DGKB: variants seen among roughly 807,000 people sequenced by gnomAD.
The protein encoded by DGKB is diacylglycerol kinase beta, also known as 90 kDa diacylglycerol kinase.
In DGKB, 67 loss-of-function variants were observed where a neutral mutation model predicts 114.3. The ratio of observed to expected loss-of-function variants is 0.59; its 90% confidence interval spans 0.48 to 0.72. DGKB has a LOEUF of 0.72. Ranked by LOEUF, DGKB falls within the 30% of genes least tolerant of loss-of-function variation. The pLI, the probability that DGKB is intolerant of heterozygous loss-of-function variation, is 0.00. For missense variants in DGKB, 907 were observed against 975.2 expected (o/e 0.93, Z 0.93); for synonymous variants, 398 against 323.1 (o/e 1.23, Z -2.49).
At chr7:14,898,269 G>T (rs544787220) in intron 1 of DGKB, among the ~76,000 whole-genome samples, 16 of 152,106 alleles carry the variant, frequency 1.1e-4, no homozygotes, top group African/African-American at 3.9e-4. Context: ...GACAAAGAAG[G>T]TGCAACATTG....
chr7:14,432,001 T>C (rs924118936), intron 21 of DGKB, among the ~76,000 whole-genome samples: 1 of 152,190 alleles, frequency 6.6e-6, no homozygotes, highest in African/African-American at 2.4e-5. Flanking sequence ...ATGCCAGGTA[T>C]GTTTCAGGGG....
intron 1 of DGKB, among the ~76,000 whole-genome samples, chr7:14,872,589 T>A (rs1852637834): frequency 6.6e-6 from 1 of 152,132 alleles, no homozygotes; most frequent in Admixed American, 6.6e-5. Flanking sequence ...TGGTGAATGT[T>A]TATAAAGCAC....
rs1162564706 is a variant in DGKB at position 14,471,265 on chromosome 7, T to TATGTGTATACATACATATATGTATGGA, written c.1835+6895_1835+6896insTCCATACATATATGTATGTATACACAT. Among the ~76,000 whole-genome samples the TATGTGTATACATACATATATGTATGGA allele has an allele frequency of 3.9e-4, 56 of 142,134 alleles. 18 individuals carry two copies. The East Asian group carries it at 7.5e-3, about 19-fold the overall frequency. 93.2% of individuals were successfully genotyped at this position (142,134 alleles called of 152,430 possible). A position where few individuals can be genotyped will look rare whatever the true frequency, so the allele number is the denominator to read the frequency against. ...TATACATACATATATGTGTATGGAA[T>TATGTGTATACATACATATATGTATGGA]ATATGTGTATACATACATATATGTA... is the stretch of plus-strand genomic sequence containing the variant. On this transcript the variant is annotated intron_variant, in intron 21 of 25. Coordinates refer to ENST00000402815, the MANE Select transcript of DGKB (RefSeq NM_001350709.2).
At chr7:14,811,918 A>G (rs2128081953) in intron 2 of DGKB, among the ~76,000 whole-genome samples, 1 of 151,810 alleles carries the variant, frequency 6.6e-6, no homozygotes, top group South Asian at 2.1e-4. Flanking sequence ...CCCAACTGAA[A>G]CCTCTTTACT....
chr7:14,353,835 T>G (rs1483954899), intron 21 of DGKB, among the ~76,000 whole-genome samples: 3 of 152,220 alleles, frequency 2.0e-5, no homozygotes, highest in Non-Finnish European at 4.4e-5. Flanking sequence ...GTTTTTATCT[T>G]GTGCCAAGAT....
intron 5 of DGKB, among the ~76,000 whole-genome samples, chr7:14,727,652 T>A (rs996977295): frequency 6.6e-6 from 1 of 152,170 alleles, no homozygotes; most frequent in Non-Finnish European, 1.5e-5. Context: ...AAATATCTAC[T>A]ATGTGTCAGG....
chr7:14,723,415 G>A (rs190069421), intron 5 of DGKB, among the ~76,000 whole-genome samples: 3 of 142,680 alleles, frequency 2.1e-5, no homozygotes, highest in Non-Finnish European at 4.6e-5. Context: ...TTGTTTTTTG[G>A]CCTCAAGTGA....
intron 2 of DGKB, chr7:14,815,144 C>T (rs1305916352): frequency 1.3e-5 from 2 of 152,170 alleles, no homozygotes; most frequent in Non-Finnish European, 2.9e-5. Context: ...ATTGAAGTCT[C>T]CTTGTTTCCA....
chr7:14,634,461 T>G lies in DGKB; in HGVS notation c.1135-4193A>C, dbSNP rs945869150. ...ATGAAGAATGAAAAATATTTAGAAA[T>G]CACTATATCTACAAAGTGATACACA... On this transcript the variant is annotated intron_variant, in intron 13 of 25. Coordinates refer to ENST00000402815, the MANE Select transcript of DGKB (RefSeq NM_001350709.2). 3.5e-5 allele frequency among the ~76,000 whole-genome samples: 5 copies of G among 144,264 alleles called. No homozygotes were observed. In the East Asian group the frequency reaches 1.0e-3, roughly 29 times the overall value. 94.6% of individuals were successfully genotyped at this position (144,264 alleles called of 152,430 possible).
chr7:14,338,145 C>G (rs970825005), intron 23 of DGKB, among the ~76,000 whole-genome samples: 2 of 152,100 alleles, frequency 1.3e-5, no homozygotes, highest in African/African-American at 4.8e-5. Context: ...TCTTATAACA[C>G]AACCTTAGAA....
rs79397407 is a variant in DGKB, at chr7:14,943,261, T to G, written c.-188+31435A>C. Among the ~76,000 whole-genome samples the G allele has an allele frequency of 1.1e-4, 17 of 152,036 alleles. No individual in the cohort carries two copies. In the East Asian group the frequency reaches 1.5e-3, roughly 14 times the overall value. ...AGTTAATGAAGTCCCAGTTTTATAA[T>G]GAAAAAAATCATGTTCATATACATC... On this transcript the variant is annotated intron_variant, in intron 1 of 4. Coordinates refer to the DGKB transcript ENST00000437998.
At chr7:14,853,864 T>C (rs1437361438) in intron 1 of DGKB, among the ~76,000 whole-genome samples, 2 of 69,004 alleles carry the variant, frequency 2.9e-5, no homozygotes, top group Non-Finnish European at 5.2e-5. Flanking sequence ...CGAGACTCCG[T>C]CTCAAAAAAA....
Position 14,524,707 on chromosome 7 carries a change from G to T in DGKB, c.1771-46482C>A, listed in dbSNP as rs1790357460. On this transcript the variant is annotated intron_variant, in intron 20 of 25. Coordinates refer to ENST00000402815, the MANE Select transcript of DGKB (RefSeq NM_001350709.2). Reference sequence around the variant, plus strand: ...GGAGGCAGAAGTTGCAGTGAGTGGAGATCGCACCACTGCACTCCAGCATGG... The same window carrying T: ...GGAGGCAGAAGTTGCAGTGAGTGGATATCGCACCACTGCACTCCAGCATGG... Among the ~76,000 whole-genome samples the T allele has an allele frequency of 1.4e-5, 2 of 146,842 alleles. 1 individual carries two copies. Among genetic ancestry groups the T allele is most frequent in the South Asian group, 4.3e-4 (2 of 4,644 alleles).
intron 23 of DGKB, among the ~76,000 whole-genome samples, chr7:14,234,353 C>T (rs914654232): frequency 6.6e-6 from 1 of 152,018 alleles, no homozygotes; most frequent in Non-Finnish European, 1.5e-5. Context: ...CTGAAAATTA[C>T]AAACACATAT....
At chr7:14,185,652 A>G (rs1241926833) in intron 23 of DGKB, among the ~76,000 whole-genome samples, 1 of 152,236 alleles carries the variant, frequency 6.6e-6, no homozygotes, top group Non-Finnish European at 1.5e-5. Context: ...ACAGAATGGT[A>G]CTGGTACAAA....
chr7:14,966,632 T>A (rs1436989914), intron 1 of DGKB, among the ~76,000 whole-genome samples: 1 of 152,126 alleles, frequency 6.6e-6, no homozygotes, highest in South Asian at 2.1e-4. Flanking sequence ...CAAAGTTGTT[T>A]ACTGCCTGAG....
intron 1 of DGKB, among the ~76,000 whole-genome samples, chr7:14,894,324 G>GAATTTTAACAT: frequency 6.6e-6 from 1 of 151,304 alleles, no homozygotes; most frequent in Admixed American, 6.6e-5. Context: ...TTTAACTCAT[G>GAATTTTAACAT]AGGATCAGCA....
intron 5 of DGKB, among the ~76,000 whole-genome samples, chr7:14,727,554 T>G (rs1830203574): frequency 6.6e-6 from 1 of 152,216 alleles, no homozygotes; most frequent in African/African-American, 2.4e-5. Flanking sequence ...TTATTTCATC[T>G]GTATTCCTGG....
chr7:14,333,460 T>TAAAAAA (rs36112659), intron 23 of DGKB, among the ~76,000 whole-genome samples: 3 of 125,832 alleles, frequency 2.4e-5, no homozygotes, highest in Non-Finnish European at 4.9e-5. Flanking sequence ...GACTCCGTCT[T>TAAAAAA]AAAAAAAAAA....
Sources: allele counts gnomAD v4.1 joint callset (sites outside exome capture counted in the v4.1 genomes callset), GRCh38; gene constraint gnomAD v4.1.1; transcripts MANE v1.5; gene names NCBI Gene and HGNC (gene_info 2026-07-23, HGNC 2026-07-21).